CELF2: variants seen among roughly 807,000 people sequenced by gnomAD.
CELF2 encodes CUG triplet repeat RNA-binding protein 2.
A neutral mutation model predicts 62.6 loss-of-function variants in CELF2; 8 were observed. That is an observed-to-expected ratio of 0.13 (90% confidence interval 0.07 to 0.23). The LOEUF is 0.23. Among genes scored for constraint, CELF2 ranks in the 10% least tolerant of loss-of-function variants. CELF2 has a pLI of 1.00. For synonymous variants in CELF2, 258 were observed against 250.0 expected (o/e 1.03, Z -0.30); for missense variants, 333 against 671.0 (o/e 0.50, Z 5.56).
chr10:10,795,181 C>G (rs1035019312), upstream of CELF2, among the ~76,000 whole-genome samples: 4 of 150,264 alleles, frequency 2.7e-5, no homozygotes, highest in Non-Finnish European at 5.9e-5. Flanking sequence ...AGGAAAGTGA[C>G]GAGACTTGTT....
chr10:11,164,662 GCTT>G (rs2066536772), intron 1 of CELF2, among the ~76,000 whole-genome samples: 1 of 141,284 alleles, frequency 7.1e-6, no homozygotes, highest in African/African-American at 2.7e-5. Context: ...TTCTGGGGCT[GCTT>G]TTTTTTTTTT....
chr10:11,184,697 A>G (rs750194795), intron 2 of CELF2, among the ~76,000 whole-genome samples: 6 of 152,124 alleles, frequency 3.9e-5, no homozygotes, highest in Non-Finnish European at 8.8e-5. Context: ...ATTTCCAATC[A>G]TTTGTTTCTA....
At chr10:10,889,584 C>T (rs899577906) in intron 1 of CELF2, among the ~76,000 whole-genome samples, 2 of 152,186 alleles carry the variant, frequency 1.3e-5, no homozygotes, top group Non-Finnish European at 2.9e-5. Context: ...CTCAAAAGAC[C>T]TCCAGCCGTC....
chr10:10,519,014 A>G, the CELF2 span, among the ~76,000 whole-genome samples: 1,081 of 152,340 alleles, frequency 7.1e-3, 18 homozygotes, highest in African/African-American at 0.025. Flanking sequence ...AATACCAGGA[A>G]GTCAATCAAA....
intron 1 of CELF2, among the ~76,000 whole-genome samples, chr10:10,871,644 G>A (rs904839144): frequency 6.6e-6 from 1 of 152,058 alleles, no homozygotes. Context: ...AGGAAGACAA[G>A]AAAGAAATCC....
At chr10:11,188,961 C>T (rs977691067) in intron 2 of CELF2, among the ~76,000 whole-genome samples, 1 of 152,052 alleles carries the variant, frequency 6.6e-6, no homozygotes, top group Non-Finnish European at 1.5e-5. Context: ...TCTAGAAGTC[C>T]GTTTCGGATC....
At chr10:10,867,108 A>G (rs1042873943) in intron 1 of CELF2, among the ~76,000 whole-genome samples, 3 of 152,102 alleles carry the variant, frequency 2.0e-5, no homozygotes, top group South Asian at 4.2e-4. Context: ...ATGTTCAACA[A>G]CCTACTCTCT....
chr10:10,503,744 G>A, the CELF2 span, among the ~76,000 whole-genome samples: 1 of 151,724 alleles, frequency 6.6e-6, no homozygotes, highest in African/African-American at 2.4e-5. Flanking sequence ...TTACTAATTT[G>A]TTATGGCTTA....
intron 1 of CELF2, among the ~76,000 whole-genome samples, chr10:10,859,185 A>C (rs2059919147): frequency 6.6e-6 from 1 of 152,184 alleles, no homozygotes; most frequent in South Asian, 2.1e-4. Context: ...AAACCTGAAA[A>C]CAAGTCATTA....
At chr10:11,095,971 T>C (rs1409113071) in intron 1 of CELF2, among the ~76,000 whole-genome samples, 1 of 152,196 alleles carries the variant, frequency 6.6e-6, no homozygotes, top group Admixed American at 6.5e-5. Flanking sequence ...TATTGAACAT[T>C]ATCATGAAAG....
At chr10:10,959,348 G>A (rs2049237447) in intron 2 of CELF2, among the ~76,000 whole-genome samples, 1 of 152,130 alleles carries the variant, frequency 6.6e-6, no homozygotes, top group Non-Finnish European at 1.5e-5. Context: ...AGGAATCTGT[G>A]CTTATCAGTT....
At position 11,244,744 on chromosome 10, in the gene CELF2, CAGT is replaced by C. The variant is rs1449199350; in HGVS notation, c.355-4406_355-4404del. Among the ~76,000 whole-genome samples, 4 of 151,964 alleles carry C rather than the reference CAGT, an allele frequency of 2.6e-5. No homozygotes were observed. The highest frequency in any genetic ancestry group is 4.4e-5 in the Non-Finnish European group (3 of 67,990). ...ATATCGTATCATTGTTCTTGATCAA[CAGT>C]AGGGCCTATTTTCTCTTATTCTGTG... On this transcript the variant is annotated intron_variant, in intron 3 of 12. Coordinates refer to ENST00000633077, the MANE Select transcript of CELF2 (RefSeq NM_001326342.2). This position sits in a 1 kb window ranked among gnomAD's most constrained non-coding sequence, Gnocchi z 4.2.
At chr10:11,208,539 C>T (rs542376366) in intron 2 of CELF2, among the ~76,000 whole-genome samples, 1 of 152,344 alleles carries the variant, frequency 6.6e-6, no homozygotes, top group South Asian at 2.1e-4. Context: ...CGCATTCTCC[C>T]TGGCCTCTCT....
At chr10:11,199,089 G>A (rs1346176432) in intron 2 of CELF2, among the ~76,000 whole-genome samples, 1 of 152,170 alleles carries the variant, frequency 6.6e-6, no homozygotes, top group Non-Finnish European at 1.5e-5. Flanking sequence ...GAGGAGGATG[G>A]CATACAATTG....
At chr10:10,500,571 G>A in the CELF2 span, among the ~76,000 whole-genome samples, 1 of 152,136 alleles carries the variant, frequency 6.6e-6, no homozygotes, top group African/African-American at 2.4e-5. Context: ...CTTCCACCAT[G>A]ATTGTGAGGC....
intron 1 of CELF2, among the ~76,000 whole-genome samples, chr10:11,021,039 T>C (rs946738357): frequency 6.6e-6 from 1 of 152,204 alleles, no homozygotes; most frequent in African/African-American, 2.4e-5. Context: ...TTAAATTTGA[T>C]TTTAAACTGA....
chr10:10,734,860 G>A, the CELF2 span, among the ~76,000 whole-genome samples: 8 of 152,122 alleles, frequency 5.3e-5, no homozygotes, highest in Admixed American at 4.6e-4. Flanking sequence ...CTAAGTGTCC[G>A]GCAAACTGGG....
intron 1 of CELF2, among the ~76,000 whole-genome samples, chr10:10,847,647 G>T (rs1271274942): frequency 6.6e-6 from 1 of 152,180 alleles, no homozygotes; most frequent in Non-Finnish European, 1.5e-5. Context: ...TATTTTAAAA[G>T]GTTTCTGTAT....
At chr10:10,683,610 A>G in the CELF2 span, among the ~76,000 whole-genome samples, 1 of 152,228 alleles carries the variant, frequency 6.6e-6, no homozygotes, top group Non-Finnish European at 1.5e-5. Flanking sequence ...AATAATGGAA[A>G]ATACCTTGTT....
Sources: allele counts gnomAD v4.1 joint callset (sites outside exome capture counted in the v4.1 genomes callset), GRCh38; gene constraint gnomAD v4.1.1; non-coding constraint Gnocchi (gnomAD v3.1); transcripts MANE v1.5; gene names NCBI Gene and HGNC (gene_info 2026-07-23, HGNC 2026-07-21).